The following EPB41L4A variants were observed in gnomAD, a reference collection of about 807,000 sequenced individuals.
The protein encoded by EPB41L4A is band 4.1-like protein 4A.
Under a neutral mutation model 108.6 loss-of-function variants are expected in EPB41L4A, and 100 were observed. The observed-to-expected ratio is 0.92, with a 90% CI of 0.78 to 1.09. The LOEUF (loss-of-function observed/expected upper bound fraction) is 1.09. Ranked by LOEUF, EPB41L4A falls within the 50% of genes least tolerant of loss-of-function variation. The pLI, the probability that EPB41L4A is intolerant of heterozygous loss-of-function variation, is 0.00. For missense variants in EPB41L4A, 1,030 were observed against 842.7 expected (o/e 1.22, Z -2.75); for synonymous variants, 319 against 289.0 (o/e 1.10, Z -1.05).
At chr5:112,366,753 C>T (rs963092519) in intron 1 of EPB41L4A, among the ~76,000 whole-genome samples, 6 of 152,060 alleles carry the variant, frequency 3.9e-5, no homozygotes, top group Admixed American at 6.5e-5. Flanking sequence ...GACAATACAA[C>T]CAGGGGGACA....
At chr5:112,159,932 C>T (rs1379365835), downstream of EPB41L4A, among the ~76,000 whole-genome samples, 34 of 112,564 alleles carry the variant, frequency 3.0e-4, no homozygotes, top group East Asian at 5.9e-3. Flanking sequence ...GACGGAGTTT[C>T]GCCCTTTTGT....
chr5:112,228,653 G>A lies in EPB41L4A; in HGVS notation c.1087+5981C>T, dbSNP rs1051949877. 10 of 949,958 alleles carry A rather than the reference G, an allele frequency of 1.1e-5. No individual in the cohort carries two copies. In the African/African-American group the frequency reaches 1.6e-4, roughly 15 times the overall value. 58.8% of individuals were successfully genotyped at this position (949,958 alleles called of 1,614,324 possible). ...ATTATGAATTATATCCAAATATTCT[G>A]TCTTCATTGCCTACTTACAGCAGAG... On this transcript the variant is annotated intron_variant, in intron 12 of 22. Transcript: ENST00000261486.
At chr5:112,403,024 C>A (rs1761870809) in intron 1 of EPB41L4A, among the ~76,000 whole-genome samples, 1 of 151,834 alleles carries the variant, frequency 6.6e-6, no homozygotes, top group African/African-American at 2.4e-5. Context: ...ACACACAAAA[C>A]CCTCAGCATT....
chr5:112,280,176 T>C (rs1752875322), intron 3 of EPB41L4A, 96 bp downstream of exon 3: 2 of 1,013,342 alleles, frequency 2.0e-6, no homozygotes, highest in South Asian at 2.6e-5. Flanking sequence ...TTCACTTCTT[T>C]CTCCAGTACT....
intron 9 of EPB41L4A, among the ~76,000 whole-genome samples, chr5:112,257,881 A>G (rs1189121986): frequency 6.6e-6 from 1 of 152,208 alleles, no homozygotes; most frequent in Non-Finnish European, 1.5e-5. Flanking sequence ...GGGAGAAACT[A>G]CAAAACCCTC....
intron 1 of EPB41L4A, among the ~76,000 whole-genome samples, chr5:112,372,328 A>G (rs910204951): frequency 6.6e-6 from 1 of 152,212 alleles, no homozygotes; most frequent in Non-Finnish European, 1.5e-5. Flanking sequence ...TATCATGAGA[A>G]CAGCATAGGG....
In EPB41L4A at chr5:112,170,969, T is replaced by G; in HGVS notation, c.1646A>C (p.Lys549Thr). 6.2e-7 allele frequency: 1 copy of G among 1,613,808 alleles called. No individual in the cohort carries two copies. Among genetic ancestry groups the G allele is most frequent in the South Asian group, 1.1e-5 (1 of 91,068 alleles). Residue 549 changes from lysine (K) to threonine (T), a missense_variant, in exon 19 of 23, where the codon AAA becomes ACA. Lys to Thr is a moderately conservative substitution (Grantham distance 78). Coordinates refer to ENST00000261486, the MANE Select transcript of EPB41L4A (RefSeq NM_022140.5). ...CTGAATGTGCTTCCATAACTCTTCT[T>G]TTGCTTGGATATCGGGGCTTCTCCT... The part of the protein sequence containing the change: ...SRSRSPDIQA[K>T]EELWKHIQKE...
chr5:112,164,246 TTA>T lies in EPB41L4A; in HGVS notation c.*742_*743del, dbSNP rs1760092364. 2.0e-5 allele frequency: 3 copies of T among 152,318 alleles called. No homozygotes were observed. In the South Asian group the frequency reaches 6.2e-4, roughly 32 times the overall value. 9.4% of individuals were successfully genotyped at this position (152,318 alleles called of 1,614,324 possible). A position where few individuals can be genotyped will look rare whatever the true frequency, so the allele number is the denominator to read the frequency against. On this transcript the variant is annotated 3_prime_UTR_variant, in exon 23 of 23. Transcript: ENST00000261486. ...ACAAAATAAAGTATTATAAAGAACT[TTA>T]TATGAATAAAAATATATGCAGTCTG... is the stretch of plus-strand genomic sequence containing the variant.
intron 1 of EPB41L4A, among the ~76,000 whole-genome samples, chr5:112,338,196 A>G (rs1263284130): frequency 2.0e-5 from 3 of 152,120 alleles, no homozygotes; most frequent in Non-Finnish European, 4.4e-5. Flanking sequence ...TGACTTTACT[A>G]ATCTCAGTCT....
chr5:112,196,048 T>C (rs1761952455), intron 15 of EPB41L4A, among the ~76,000 whole-genome samples: 1 of 152,162 alleles, frequency 6.6e-6, no homozygotes, highest in Non-Finnish European at 1.5e-5. Context: ...CCCTTTCCCA[T>C]ACCCTGAGGC....
In EPB41L4A at chr5:112,307,585, A is replaced by G. The variant is rs1484358270; in HGVS notation, c.100-95T>C. ...CTCATCTTTTATTAGTTTCACTCAC[A>G]ATAGCAGCAATTGTATCAGACCATG... On this transcript the variant is annotated intron_variant, in intron 1 of 22. Transcript: ENST00000261486. The G allele has an allele frequency of 6.9e-6, 5 of 724,738 alleles. No individual in the cohort carries two copies. The East Asian group carries it at 1.1e-4, about 16-fold the overall frequency. The allele number at this position is 724,738 out of a possible 1,614,324, so 44.9% of individuals were successfully genotyped here.
chr5:112,144,839 G>C (rs1362494521), intron 13 of EPB41L4A, among the ~76,000 whole-genome samples: 1 of 152,098 alleles, frequency 6.6e-6, no homozygotes, highest in Non-Finnish European at 1.5e-5. Context: ...ATGTAATCTT[G>C]TGCCCATGCC....
chr5:112,143,523 G>A (rs2112778633), exon 14 of EPB41L4A: 1 of 154,580 alleles, frequency 6.5e-6, no homozygotes, highest in East Asian at 1.9e-4. Context: ...TAAAAGGAGT[G>A]GTTCATTAGC....
At chr5:112,185,012 G>A (rs1313454945) in intron 17 of EPB41L4A, among the ~76,000 whole-genome samples, 1 of 151,546 alleles carries the variant, frequency 6.6e-6, no homozygotes, top group African/African-American at 2.4e-5. Flanking sequence ...AAATAATGAG[G>A]TGCACTATTG....
intron 12 of EPB41L4A, among the ~76,000 whole-genome samples, chr5:112,212,291 T>A (rs954556250): frequency 6.9e-6 from 1 of 144,862 alleles, no homozygotes; most frequent in Admixed American, 6.8e-5. Flanking sequence ...ATTAGTTGTT[T>A]TTGTTTTTTT....
intron 1 of EPB41L4A, among the ~76,000 whole-genome samples, chr5:112,331,074 A>T (rs897207806): frequency 6.6e-6 from 1 of 152,188 alleles, no homozygotes; most frequent in African/African-American, 2.4e-5. Context: ...GAAGCCACAG[A>T]TTCTGTGTCA....
At chr5:112,148,867 T>C (rs1759362140) in intron 12 of EPB41L4A, among the ~76,000 whole-genome samples, 1 of 152,216 alleles carries the variant, frequency 6.6e-6, no homozygotes, top group Admixed American at 6.5e-5. Flanking sequence ...TGATTTGGGA[T>C]ATTTACTTTA....
chr5:112,280,574 G>C (rs2150506704), intron 2 of EPB41L4A, among the ~76,000 whole-genome samples: 1 of 152,252 alleles, frequency 6.6e-6, no homozygotes, highest in Non-Finnish European at 1.5e-5. Flanking sequence ...AGGACTGCTT[G>C]AGGCCAGAAG....
intron 12 of EPB41L4A, among the ~76,000 whole-genome samples, chr5:112,149,034 C>T (rs1366609840): frequency 6.6e-6 from 1 of 152,154 alleles, no homozygotes; most frequent in Non-Finnish European, 1.5e-5. Flanking sequence ...TACTCCTTCA[C>T]TACTATTTTT....
Sources: allele counts gnomAD v4.1 joint callset (sites outside exome capture counted in the v4.1 genomes callset), GRCh38; gene constraint gnomAD v4.1.1; transcripts MANE v1.5; gene names NCBI Gene and HGNC (gene_info 2026-07-23, HGNC 2026-07-21).